MTCH2: variants seen among roughly 807,000 people sequenced by gnomAD.
MTCH2 encodes mitochondrial carrier homolog 2.
In MTCH2, 25 loss-of-function variants were observed where a neutral mutation model predicts 50.6. The observed-to-expected ratio is 0.49, with a 90% CI of 0.36 to 0.69. The LOEUF is 0.69. Ranked by LOEUF, MTCH2 falls within the 30% of genes least tolerant of loss-of-function variation. MTCH2 has a pLI of 0.00. For synonymous variants in MTCH2, 106 were observed against 132.0 expected, an observed-to-expected ratio of 0.80 and a Z score of 1.35; for missense variants, 273 against 384.4, an observed-to-expected ratio of 0.71 and a Z score of 2.42.
intron 8 of MTCH2, 83 bp from the exon 9 acceptor site, chr11:47,629,129 T>C (rs2097300723): frequency 2.2e-5 from 26 of 1,167,684 alleles, no homozygotes; most frequent in Non-Finnish European, 3.2e-5. Flanking sequence ...GTTTGTCAAA[T>C]AATTAGAGGT....
chr11:47,633,157 T>TG (rs2097304824), intron 5 of MTCH2, among the ~76,000 whole-genome samples: 1 of 143,822 alleles, frequency 7.0e-6, no homozygotes, highest in African/African-American at 2.6e-5. Flanking sequence ...TCTCCCAGGC[T>TG]GGAGTGCAGT....
chr11:47,632,702 C>A (rs1310221304), intron 5 of MTCH2, among the ~76,000 whole-genome samples: 1 of 150,666 alleles, frequency 6.6e-6, no homozygotes, highest in Non-Finnish European at 1.5e-5. Flanking sequence ...TGAGTTTTTT[C>A]TTTTCTTTTT....
intron 3 of MTCH2, among the ~76,000 whole-genome samples, chr11:47,636,988 C>A (rs2097309308): frequency 7.1e-6 from 1 of 140,312 alleles, no homozygotes; most frequent in Non-Finnish European, 1.5e-5. Context: ...GATGGAGTTT[C>A]ACTCTTGTCA....
At chr11:47,613,282 C>T (rs2097286594), downstream of MTCH2, among the ~76,000 whole-genome samples, 1 of 152,056 alleles carries the variant, frequency 6.6e-6, no homozygotes, top group Non-Finnish European at 1.5e-5. Context: ...CTACTGCACC[C>T]AGCACTTGTG....
chr11:47,611,263 G>C, the MTCH2 span, among the ~76,000 whole-genome samples: 4 of 152,224 alleles, frequency 2.6e-5, no homozygotes, highest in Admixed American at 6.5e-5. Context: ...AGCCCCTCAG[G>C]GGGAGGAAAG....
Position 47,618,755 on chromosome 11 carries a change from T to C in MTCH2, c.*78A>G, listed in dbSNP as rs925219834. On this transcript the variant is annotated 3_prime_UTR_variant, in exon 13 of 13. Transcript: ENST00000302503. ...TGATTATTAAAAAAGCGCGCCACAC[T>C]GTATAGAAATCAACATTCTCTCCCA... 7.2e-7 allele frequency: 1 copy of C among 1,387,362 alleles called. No individual in the cohort carries two copies. Among genetic ancestry groups the C allele is most frequent in the Non-Finnish European group, 1.0e-6 (1 of 976,242 alleles). 85.9% of individuals were successfully genotyped at this position (1,387,362 alleles called of 1,614,324 possible). A position where few individuals can be genotyped will look rare whatever the true frequency, so the allele number is the denominator to read the frequency against.
At chr11:47,608,059 G>C in the MTCH2 span, among the ~76,000 whole-genome samples, 1 of 152,112 alleles carries the variant, frequency 6.6e-6, no homozygotes, top group Non-Finnish European at 1.5e-5. Flanking sequence ...CAGAATCTGG[G>C]CTTTGCTATT....
At chr11:47,608,861 G>C in the MTCH2 span, among the ~76,000 whole-genome samples, 1 of 151,274 alleles carries the variant, frequency 6.6e-6, no homozygotes, top group Non-Finnish European at 1.5e-5. Flanking sequence ...GGGAGGCTGA[G>C]GCAGGAGAAT....
At chr11:47,636,868 A>T (rs1052619375) in intron 3 of MTCH2, among the ~76,000 whole-genome samples, 1 of 152,172 alleles carries the variant, frequency 6.6e-6, no homozygotes, top group Non-Finnish European at 1.5e-5. Flanking sequence ...ACTGGGCAAC[A>T]TAGTGAGACT....
chr11:47,607,999 G>T, the MTCH2 span, among the ~76,000 whole-genome samples: 1 of 152,180 alleles, frequency 6.6e-6, no homozygotes, highest in Non-Finnish European at 1.5e-5. Flanking sequence ...ATACTGGGAC[G>T]CAATGCATGT....
At position 47,636,250 on chromosome 11, in the gene MTCH2, G is replaced by A. The variant is rs553834444; in HGVS notation, c.280-679C>T. On this transcript the variant is annotated intron_variant, in intron 3 of 12. Transcript: ENST00000302503. ...GGAATTTGAGACCAGCCTGGCCTAC[G>A]TGGTGAAACTCCATCTCTACTAAAA... Among the ~76,000 whole-genome samples the A allele has an allele frequency of 7.9e-5, 12 of 152,048 alleles. No homozygotes were observed. The South Asian group carries it at 2.1e-3, about 26-fold the overall frequency.
intron 11 of MTCH2, among the ~76,000 whole-genome samples, chr11:47,624,754 C>CT (rs2097296416): frequency 6.6e-6 from 1 of 152,152 alleles, no homozygotes; most frequent in Non-Finnish European, 1.5e-5. Flanking sequence ...GCTAGGACTT[C>CT]ACCACCACAT....
At chr11:47,605,875 G>A in the MTCH2 span, among the ~76,000 whole-genome samples, 822 of 152,174 alleles carry the variant, frequency 5.4e-3, 9 homozygotes, top group African/African-American at 0.018. Context: ...TATCATTTTC[G>A]CCGCATCTTG....
At chr11:47,624,406 C>T (rs913527381) in intron 11 of MTCH2, among the ~76,000 whole-genome samples, 7 of 152,164 alleles carry the variant, frequency 4.6e-5, no homozygotes, top group African/African-American at 1.7e-4. Flanking sequence ...TTCTTTAAAA[C>T]TCACTTTCTC....
intron 3 of MTCH2, among the ~76,000 whole-genome samples, chr11:47,637,849 A>G (rs1000113549): frequency 6.6e-6 from 1 of 152,214 alleles, no homozygotes; most frequent in Non-Finnish European, 1.5e-5. Context: ...AATTAATTCT[A>G]ATAGCTTCAG....
At chr11:47,611,440 T>C in the MTCH2 span, among the ~76,000 whole-genome samples, 1 of 152,210 alleles carries the variant, frequency 6.6e-6, no homozygotes, top group Admixed American at 6.5e-5. Context: ...AGTGCTGGCT[T>C]GTCCTTATCC....
chr11:47,614,386 T>A (rs1399784691), downstream of MTCH2, among the ~76,000 whole-genome samples: 1 of 152,210 alleles, frequency 6.6e-6, no homozygotes, highest in Non-Finnish European at 1.5e-5. Flanking sequence ...CTAACCAATC[T>A]GTTCTCCTGT....
Position 47,622,680 on chromosome 11 carries a change from GAGAC to G in MTCH2, c.825+17_825+20del. On this transcript the variant is annotated intron_variant, in intron 12 of 12. Transcript: ENST00000302503. ...AAAAATAAAACAAAATAAAATGAGA[GAGAC>G]AGAGAAAAAGAAATACCTCTTTTTG... is the stretch of plus-strand genomic sequence containing the variant. 6.8e-7 allele frequency: 1 copy of G among 1,468,862 alleles called. No homozygotes were observed. The highest frequency in any genetic ancestry group is 1.4e-5 in the South Asian group (1 of 72,136). 91.0% of individuals were successfully genotyped at this position (1,468,862 alleles called of 1,614,324 possible).
chr11:47,640,349 TAAAC>T (rs2097312920), intron 1 of MTCH2, among the ~76,000 whole-genome samples: 1 of 152,098 alleles, frequency 6.6e-6, no homozygotes, highest in Non-Finnish European at 1.5e-5. Context: ...AACAAATAAA[TAAAC>T]AAATAACTCC....
Sources: gnomAD v4.1 joint callset for allele counts (sites outside exome capture counted in the v4.1 genomes callset) on GRCh38, gnomAD v4.1.1 for gene constraint, MANE v1.5 for transcripts, NCBI Gene and HGNC (gene_info 2026-07-23, HGNC 2026-07-21) for gene names.